The following ANKRD11 variants were observed in gnomAD, a reference collection of about 807,000 sequenced individuals.
ANKRD11 encodes the protein ankyrin repeat domain-containing protein 11.
ANKRD11 carries 17 observed loss-of-function variants against 195.7 expected under a neutral mutation model. The observed-to-expected ratio is 0.09, with a 90% confidence interval of 0.06 to 0.13. ANKRD11 has a LOEUF of 0.13. Ranked by LOEUF, ANKRD11 falls within the 10% of genes least tolerant of loss-of-function variation. ANKRD11 has a pLI of 1.00. For synonymous variants in ANKRD11, 1,953 were observed against 1,528.1 expected, an observed-to-expected ratio of 1.28 and a Z score of -6.49; for missense variants, 3,735 against 3,566.1, an observed-to-expected ratio of 1.05 and a Z score of -1.21.
intron 1 of ANKRD11, among the ~76,000 whole-genome samples, chr16:89,447,536 C>G (rs545167935): frequency 6.6e-6 from 1 of 152,150 alleles, no homozygotes; most frequent in African/African-American, 2.4e-5. Context: ...GATCCCCATC[C>G]GTGCACTCAC....
intron 1 of ANKRD11, among the ~76,000 whole-genome samples, chr16:89,470,783 A>G (rs1209657766): frequency 6.6e-6 from 1 of 151,990 alleles, no homozygotes; most frequent in Non-Finnish European, 1.5e-5. Flanking sequence ...AGGTCAGGAG[A>G]TCAAGACTAT....
intron 7 of ANKRD11, 70 bp from the exon 8 acceptor site, chr16:89,286,256 C>A (rs1020439365): frequency 1.3e-6 from 2 of 1,594,488 alleles, no homozygotes; most frequent in Non-Finnish European, 1.7e-6. Flanking sequence ...CCGCATAACA[C>A]GGCAGCCCCT....
At chr16:89,308,948 C>A (rs1302736950) in intron 3 of ANKRD11, among the ~76,000 whole-genome samples, 1 of 152,148 alleles carries the variant, frequency 6.6e-6, no homozygotes, top group Non-Finnish European at 1.5e-5. Context: ...ATGCAGCGGG[C>A]AACCAAGGTG....
At chr16:89,320,775 G>A (rs572024780) in intron 2 of ANKRD11, among the ~76,000 whole-genome samples, 3 of 152,362 alleles carry the variant, frequency 2.0e-5, no homozygotes, top group South Asian at 4.1e-4. Flanking sequence ...CAGTGTCTGC[G>A]GCCAGCTCTG....
At chr16:89,385,297 T>C (rs953724530) in intron 2 of ANKRD11, among the ~76,000 whole-genome samples, 1 of 151,412 alleles carries the variant, frequency 6.6e-6, no homozygotes, top group Non-Finnish European at 1.5e-5. Flanking sequence ...CCCAACTAAT[T>C]TGTGTATTTT....
In ANKRD11 at chr16:89,280,468, T is replaced by A; in HGVS notation, c.6074A>T (p.Tyr2025Phe). Residue 2025 changes from tyrosine (Y) to phenylalanine (F), a missense_variant, in exon 9 of 13, where the codon TAC (tyrosine) becomes TTC (phenylalanine). Tyr to Phe is a conservative substitution (Grantham distance 22). Coordinates refer to ENST00000301030, the MANE Select transcript of ANKRD11 (RefSeq NM_013275.6). ...CCCCGGCTCAGCGACGGGCAGAGCG[T>A]ACGGGGCAGGAGAGGCGGGAGGGGC... Reference protein sequence around the residue: ...YPAPPASPAPYALPVAEPGLE... With the variant: ...YPAPPASPAPFALPVAEPGLE... The A allele has an allele frequency of 6.2e-7, 1 of 1,602,298 alleles. No individual in the cohort carries two copies. The highest frequency in any genetic ancestry group is 1.7e-5 in the Admixed American group (1 of 58,994).
chr16:89,373,767 T>TC (rs1442398032), intron 2 of ANKRD11, among the ~76,000 whole-genome samples: 1 of 152,122 alleles, frequency 6.6e-6, no homozygotes, highest in East Asian at 1.9e-4. Context: ...CTACCTGGGA[T>TC]CCCCCAAGAA....
intron 1 of ANKRD11, among the ~76,000 whole-genome samples, chr16:89,433,446 C>T (rs545640863): frequency 1.3e-5 from 2 of 152,366 alleles, no homozygotes; most frequent in African/African-American, 2.4e-5. Context: ...TCACTACCAC[C>T]GACAGGCTTT....
At chr16:89,479,838 G>T (rs556608323) in intron 1 of ANKRD11, among the ~76,000 whole-genome samples, 2 of 151,496 alleles carry the variant, frequency 1.3e-5, no homozygotes, top group East Asian at 3.9e-4. Context: ...AACCACTCGG[G>T]AGGCTGAGGC....
intron 1 of ANKRD11, among the ~76,000 whole-genome samples, chr16:89,423,263 G>A (rs1481336481): frequency 6.6e-6 from 1 of 152,250 alleles, no homozygotes; most frequent in East Asian, 1.9e-4. Flanking sequence ...ATTCGCGTTA[G>A]GCTGGGTGGG....
At chr16:89,462,156 T>C (rs2056699998) in intron 1 of ANKRD11, among the ~76,000 whole-genome samples, 2 of 150,928 alleles carry the variant, frequency 1.3e-5, no homozygotes, top group Non-Finnish European at 2.9e-5. Context: ...ACTGCTGCCA[T>C]CTCGGCTCAC....
intron 12 of ANKRD11, chr16:89,269,989 TGGTTAGGAAGG>T (rs1424042414): frequency 3.3e-5 from 5 of 152,298 alleles, no homozygotes; most frequent in African/African-American, 4.8e-5. Flanking sequence ...CTCACGGCTC[TGGTTAGGAAGG>T]GCCTAGTGGC....
At chr16:89,271,478 G>C (rs983603272) in intron 11 of ANKRD11, 1 of 175,100 alleles carries the variant, frequency 5.7e-6, no homozygotes, top group Non-Finnish European at 1.2e-5. Context: ...TGTCCTGAAG[G>C]GTGGACACGG....
At chr16:89,405,625 T>G (rs755465979) in intron 2 of ANKRD11, among the ~76,000 whole-genome samples, 48 of 151,870 alleles carry the variant, frequency 3.2e-4, no homozygotes, top group Admixed American at 1.2e-3. Flanking sequence ...TGAGCCGCCA[T>G]GCCCGGCTTT....
Position 89,281,500 on chromosome 16 carries a change from G to C in ANKRD11, c.5042C>G (p.Ala1681Gly), listed in dbSNP as rs751093305. The C allele has an allele frequency of 2.5e-6, 4 of 1,614,090 alleles. No individual in the cohort carries two copies. The highest frequency in any genetic ancestry group is 4.5e-5 in the East Asian group (2 of 44,890). ...ASGADSKDWLAGPHMKEVLPA... is the reference protein window; with the variant it reads ...ASGADSKDWLGGPHMKEVLPA... ...CAGGACCTCTTTCATGTGAGGGCCT[G>C]CCAGCCAGTCTTTGGAGTCTGCACC... is the stretch of plus-strand genomic sequence containing the variant. The change falls in exon 9 of 13, where the codon GCA becomes GGA. Residue 1681 changes from alanine (A) to glycine (G), a missense_variant. Physicochemically the swap from Ala to Gly is moderately conservative, Grantham distance 60 (BLOSUM62 0). Coordinates refer to ENST00000301030, the MANE Select transcript of ANKRD11 (RefSeq NM_013275.6). The surrounding 1 kb of genome is among the most constrained non-coding windows in gnomAD (Gnocchi z 5.5).
In ANKRD11 at chr16:89,345,938, T is replaced by C. The variant is rs149794275; in HGVS notation, c.-59-28860A>G. On this transcript the variant is annotated intron_variant, in intron 2 of 12. Coordinates refer to ENST00000301030, the MANE Select transcript of ANKRD11 (RefSeq NM_013275.6). Reference sequence around the variant, plus strand: ...ATTTATGCAAATAAAAGCCTCTGAGTAAAGAACAAGAATCAACAGAACAGG... The same window carrying C: ...ATTTATGCAAATAAAAGCCTCTGAGCAAAGAACAAGAATCAACAGAACAGG... 3.0e-3 allele frequency among the ~76,000 whole-genome samples: 461 copies of C among 151,720 alleles called. 4 individuals carry two copies. Among genetic ancestry groups the C allele is most frequent in the African/African-American group, 0.01 (432 of 41,326 alleles).
rs549087105 is a variant in ANKRD11 at position 89,321,884 on chromosome 16, GCCT to G, written c.-59-4809_-59-4807del. Among the ~76,000 whole-genome samples the G allele has an allele frequency of 7.2e-5, 11 of 152,180 alleles. No homozygotes were observed. The South Asian group carries it at 2.3e-3, about 32-fold the overall frequency. On this transcript the variant is annotated intron_variant, in intron 2 of 12. Coordinates refer to ENST00000301030, the MANE Select transcript of ANKRD11 (RefSeq NM_013275.6). ...GACCCATCTCTCCTCTTCCTCTTCAGCCTCCTCAACGTGAAAACCCGGAGGACG... is the reference window on the plus strand; with the variant it reads ...GACCCATCTCTCCTCTTCCTCTTCAGCCTCAACGTGAAAACCCGGAGGACG...
rs747332361 is a variant in ANKRD11 at position 89,279,162 on chromosome 16, C to T, written c.7380G>A (p.Pro2460=). 1.9e-6 allele frequency: 3 copies of T among 1,613,190 alleles called. No homozygotes were observed. Among genetic ancestry groups the T allele is most frequent in the Non-Finnish European group, 1.7e-6 (2 of 1,179,972 alleles). ...ACTCGGCGTAGCACTGGGGCGCCTGCGGCGTGATACAGCACAGGATCTTGC... is the reference window on the plus strand; with the variant it reads ...ACTCGGCGTAGCACTGGGGCGCCTGTGGCGTGATACAGCACAGGATCTTGC... ...EKRKILCCIT[P]QAPQCYAEYV... is the part of the protein sequence containing the mutation. Residue 2460 remains proline, a synonymous_variant, in exon 9 of 13, where the codon CCG becomes CCA. Transcript: ENST00000301030. This position sits in a 1 kb window ranked among gnomAD's most constrained non-coding sequence, Gnocchi z 5.6.
At chr16:89,468,099 C>A (rs899599814) in intron 1 of ANKRD11, among the ~76,000 whole-genome samples, 4 of 152,158 alleles carry the variant, frequency 2.6e-5, no homozygotes, top group African/African-American at 9.7e-5. Context: ...CCACCACGCC[C>A]AGACTGCAGT....
Sources: gnomAD v4.1 joint callset for allele counts (sites outside exome capture counted in the v4.1 genomes callset) on GRCh38, gnomAD v4.1.1 for gene constraint, Gnocchi (gnomAD v3.1) non-coding constraint, MANE v1.5 for transcripts, NCBI Gene and HGNC (gene_info 2026-07-23, HGNC 2026-07-21) for gene names.